Variants in MAGI2 observed in about 807,000 individuals in gnomAD.
MAGI2 encodes the protein membrane associated guanylate kinase, WW and PDZ domain containing 2.
In MAGI2, 35 loss-of-function variants were observed where a neutral mutation model predicts 133.3. The observed-to-expected ratio is 0.26, with a 90% CI of 0.20 to 0.35. The LOEUF (loss-of-function observed/expected upper bound fraction) is 0.35, where lower values mean the gene tolerates loss of function less well. Ranked by LOEUF, MAGI2 falls within the 10% of genes least tolerant of loss-of-function variation. MAGI2 has a pLI of 1.00. For missense variants in MAGI2, 1,636 were observed against 1,863.4 expected, an observed-to-expected ratio of 0.88 and a Z score of 2.25; for synonymous variants, 729 against 710.6, an observed-to-expected ratio of 1.03 and a Z score of -0.41.
At chr7:78,416,893 T>A (rs1247620835) in intron 6 of MAGI2, among the ~76,000 whole-genome samples, 1 of 152,124 alleles carries the variant, frequency 6.6e-6, no homozygotes, top group Admixed American at 6.6e-5. Flanking sequence ...CTGAATCTGC[T>A]GGCACCTTGA....
intron 1 of MAGI2, among the ~76,000 whole-genome samples, chr7:79,222,873 G>GTTTT: frequency 6.6e-6 from 1 of 151,698 alleles, no homozygotes; most frequent in South Asian, 2.1e-4. Context: ...TTTTCTTTTT[G>GTTTT]TTTTTTTGTT....
At chr7:79,442,536 T>A (rs1005957697) in intron 1 of MAGI2, among the ~76,000 whole-genome samples, 1 of 151,538 alleles carries the variant, frequency 6.6e-6, no homozygotes, top group Non-Finnish European at 1.5e-5. Flanking sequence ...CTAGGGTGAC[T>A]CCCACGCTAG....
intron 21 of MAGI2, among the ~76,000 whole-genome samples, chr7:78,034,754 T>C (rs1308776185): frequency 1.3e-5 from 2 of 152,118 alleles, no homozygotes; most frequent in Non-Finnish European, 2.9e-5. Flanking sequence ...TCTTGAACTC[T>C]TGACCTCAAG....
intron 3 of MAGI2, among the ~76,000 whole-genome samples, chr7:78,526,196 G>A (rs1408567468): frequency 1.3e-5 from 2 of 152,146 alleles, no homozygotes; most frequent in Non-Finnish European, 2.9e-5. Flanking sequence ...TGATGCAATC[G>A]CAACCTGCCC....
intron 1 of MAGI2, among the ~76,000 whole-genome samples, chr7:79,151,038 G>T (rs1038285974): frequency 2.0e-5 from 3 of 151,860 alleles, no homozygotes; most frequent in Non-Finnish European, 4.4e-5. Flanking sequence ...TTTCTGAGAT[G>T]ACCAGGCAGA....
Position 78,913,296 on chromosome 7 carries a change from C to G in MAGI2, c.418+93794G>C, listed in dbSNP as rs1469004186. Among the ~76,000 whole-genome samples, 11 of 152,178 alleles carry G rather than the reference C, an allele frequency of 7.2e-5. No homozygotes were observed. In the South Asian group the frequency reaches 1.2e-3, roughly 17 times the overall value. On this transcript the variant is annotated intron_variant, in intron 2 of 21. Coordinates refer to ENST00000354212, the MANE Select transcript of MAGI2 (RefSeq NM_012301.4). Reference sequence around the variant, plus strand: ...ATGTTTTAGCACAATCCCCTTGGTGCTGTTCTCATGATAGTAAGTGCATTC... The same window carrying G: ...ATGTTTTAGCACAATCCCCTTGGTGGTGTTCTCATGATAGTAAGTGCATTC...
intron 2 of MAGI2, among the ~76,000 whole-genome samples, chr7:78,751,554 G>A (rs1314562544): frequency 6.6e-6 from 1 of 152,082 alleles, no homozygotes; most frequent in Non-Finnish European, 1.5e-5. Context: ...AAATATGATG[G>A]CTACTACTCA....
intron 2 of MAGI2, among the ~76,000 whole-genome samples, chr7:78,979,116 A>G (rs1804559690): frequency 6.6e-6 from 1 of 151,878 alleles, no homozygotes; most frequent in Non-Finnish European, 1.5e-5. Context: ...AGATGTGTGT[A>G]TGCATGTGGA....
Position 78,315,462 on chromosome 7 carries a change from T to C in MAGI2, c.1408+28316A>G, listed in dbSNP as rs115998102. On this transcript the variant is annotated intron_variant, in intron 9 of 21. Coordinates refer to ENST00000354212, the MANE Select transcript of MAGI2 (RefSeq NM_012301.4). ...ATAGAATTTAGTCATGCTATTCACATTGAGTTCTTCCTTGGAGGGTTTTAA... is the reference window on the plus strand; with the variant it reads ...ATAGAATTTAGTCATGCTATTCACACTGAGTTCTTCCTTGGAGGGTTTTAA... 2.0e-3 allele frequency among the ~76,000 whole-genome samples: 299 copies of C among 152,290 alleles called. 3 individuals are homozygous for C. The highest frequency in any genetic ancestry group is 6.6e-3 in the African/African-American group (273 of 41,586).
chr7:78,135,343 T>A (rs764193000), intron 16 of MAGI2, 137 bp from the exon 17 acceptor site: 12 of 730,688 alleles, frequency 1.6e-5, no homozygotes, highest in Non-Finnish European at 2.7e-5. Context: ...TCACACTAAT[T>A]TCTATCAAAT....
chr7:78,161,737 C>T (rs1256483486), intron 15 of MAGI2, among the ~76,000 whole-genome samples: 2 of 147,810 alleles, frequency 1.4e-5, no homozygotes, highest in African/African-American at 5.0e-5. Flanking sequence ...TAAAAAATGG[C>T]CTAACCAAAA....
chr7:79,124,095 TATTTG>T, intron 1 of MAGI2, among the ~76,000 whole-genome samples: 1 of 152,320 alleles, frequency 6.6e-6, no homozygotes, highest in African/African-American at 2.4e-5. Flanking sequence ...TACAATGAAA[TATTTG>T]ATTTAACACC....
At position 78,750,403 on chromosome 7, in the gene MAGI2, C is replaced by T. The variant is rs144396142; in HGVS notation, c.419-123164G>A. Among the ~76,000 whole-genome samples the T allele has an allele frequency of 6.0e-3, 911 of 152,124 alleles. 12 individuals carry two copies. Among genetic ancestry groups the T allele is most frequent in the Middle Eastern group, 0.024 (7 of 294 alleles). On this transcript the variant is annotated intron_variant, in intron 2 of 21. Transcript: ENST00000354212. ...GATTTATACTCCTTTGGGTATATAC[C>T]CAGTAATGGGATTGCTGGGTCAAAT...
chr7:78,296,661 G>T (rs1200741077), intron 9 of MAGI2, among the ~76,000 whole-genome samples: 1 of 152,138 alleles, frequency 6.6e-6, no homozygotes, highest in African/African-American at 2.4e-5. Flanking sequence ...GCATTTATTA[G>T]CTCACTCCCT....
intron 15 of MAGI2, 25 bp downstream of exon 15, chr7:78,167,891 C>G (rs368407173): frequency 6.3e-7 from 1 of 1,595,850 alleles, no homozygotes; most frequent in African/African-American, 1.3e-5. Context: ...ACCCTCGATT[C>G]CTGCAGCAGG....
chr7:78,331,338 AG>A (rs1446010107), intron 9 of MAGI2, among the ~76,000 whole-genome samples: 1 of 152,070 alleles, frequency 6.6e-6, no homozygotes, highest in African/African-American at 2.4e-5. Context: ...AAACCTGCAC[AG>A]GTACCCCTGA....
intron 1 of MAGI2, among the ~76,000 whole-genome samples, chr7:79,351,483 A>G (rs1323077032): frequency 6.6e-6 from 1 of 152,162 alleles, no homozygotes. Flanking sequence ...TTTGCTTCAT[A>G]TTTTATGCAT....
intron 3 of MAGI2, among the ~76,000 whole-genome samples, chr7:78,564,153 A>C (rs1328072485): frequency 6.6e-6 from 1 of 151,712 alleles, no homozygotes; most frequent in African/African-American, 2.4e-5. Flanking sequence ...GGTAAGGATA[A>C]CTGTGGAAGA....
At chr7:78,242,854 G>C (rs1284597023) in intron 10 of MAGI2, among the ~76,000 whole-genome samples, 1 of 152,052 alleles carries the variant, frequency 6.6e-6, no homozygotes, top group East Asian at 1.9e-4. Context: ...GAGGAAGGTG[G>C]ACTGCTTGAG....
Sources: gnomAD v4.1 joint callset for allele counts (sites outside exome capture counted in the v4.1 genomes callset) on GRCh38, gnomAD v4.1.1 for gene constraint, MANE v1.5 for transcripts, NCBI Gene and HGNC (gene_info 2026-07-23, HGNC 2026-07-21) for gene names.